The following FBXO15 variants were observed in gnomAD, a reference collection of about 807,000 sequenced individuals.
FBXO15 encodes the protein F-box protein 15.
In FBXO15, 30 loss-of-function variants were observed where a neutral mutation model predicts 49.5. The ratio of observed to expected loss-of-function variants is 0.61; its 90% confidence interval spans 0.45 to 0.82. FBXO15 has a LOEUF of 0.82. Ranked by LOEUF, FBXO15 falls within the 40% of genes least tolerant of loss-of-function variation. The pLI, the probability that FBXO15 is intolerant of heterozygous loss-of-function variation, is 0.00. For missense variants in FBXO15, 591 were observed against 631.5 expected, an observed-to-expected ratio of 0.94 and a Z score of 0.69; for synonymous variants, 250 against 232.7, an observed-to-expected ratio of 1.07 and a Z score of -0.68.
rs756536706 is a variant in FBXO15, at chr18:74,147,801, A to C, written c.-16T>G. On this transcript the variant is annotated 5_prime_UTR_variant, in exon 1 of 10. Transcript: ENST00000419743. ...CAGTCGCCATAGAGACAAGGAGTTC[A>C]CCACAGGACCGCGCCAGGGCTGAAA... 2 of 1,510,062 alleles carry C rather than the reference A, an allele frequency of 1.3e-6. No individual in the cohort carries two copies. The highest frequency in any genetic ancestry group is 1.7e-4 in the Middle Eastern group (1 of 5,832). 93.5% of individuals were successfully genotyped at this position (1,510,062 alleles called of 1,614,324 possible). A position where few individuals can be genotyped will look rare whatever the true frequency, so the allele number is the denominator to read the frequency against.
intron 2 of FBXO15, among the ~76,000 whole-genome samples, chr18:74,138,564 C>A (rs936801986): frequency 6.6e-6 from 1 of 152,062 alleles, no homozygotes; most frequent in Non-Finnish European, 1.5e-5. Flanking sequence ...CCCTTCCCCA[C>A]CCTTTCCCTA....
chr18:74,132,945 C>T (rs1435905451), intron 3 of FBXO15, among the ~76,000 whole-genome samples: 1 of 152,176 alleles, frequency 6.6e-6, no homozygotes, highest in Admixed American at 6.5e-5. Flanking sequence ...CACTGGGGAG[C>T]CCCCTGCCCT....
At chr18:74,123,534 A>T (rs1161104156) in intron 7 of FBXO15, 24 bp from the exon 8 acceptor site, 1 of 1,578,164 alleles carries the variant, frequency 6.3e-7, no homozygotes, top group Non-Finnish European at 8.6e-7. Context: ...CAAAAGAAAC[A>T]TACAAATTTG....
chr18:74,073,562 C>T lies in FBXO15; in HGVS notation c.1432G>A (p.Glu478Lys). ...TCGGTCTCTCTGATCCACACCAGCT[C>T]CACGTGCACTCTTCCTTCCGCATCA... The part of the protein sequence containing the change: ...YVDAEGRVHV[E>K]LVWIRETEEY... The change falls in exon 10 of 10, where the codon GAG becomes AAG. Residue 478 changes from glutamate to lysine, a missense_variant. Glu to Lys is a moderately conservative substitution (Grantham distance 56, BLOSUM62 1). Transcript: ENST00000419743. The T allele has an allele frequency of 1.2e-6, 2 of 1,614,198 alleles. No individual in the cohort carries two copies. The highest frequency in any genetic ancestry group is 1.1e-5 in the South Asian group (1 of 91,078).
chr18:74,125,122 G>C (rs1171308044), intron 6 of FBXO15, among the ~76,000 whole-genome samples: 6 of 152,280 alleles, frequency 3.9e-5, no homozygotes, highest in Non-Finnish European at 8.8e-5. Context: ...ATGGGCATAG[G>C]TGACCCCCAA....
chr18:74,137,799 G>A (rs1401369575), intron 2 of FBXO15, among the ~76,000 whole-genome samples: 1 of 152,194 alleles, frequency 6.6e-6, no homozygotes, highest in Non-Finnish European at 1.5e-5. Context: ...GTAGAACAAA[G>A]AAACTGCTCT....
intron 1 of FBXO15, among the ~76,000 whole-genome samples, chr18:74,145,667 G>A (rs1278998070): frequency 2.2e-5 from 3 of 138,504 alleles, no homozygotes; most frequent in African/African-American, 8.3e-5. Context: ...GCGCTATCTC[G>A]GCTCACTGCA....
At chr18:74,145,674 T>G (rs1979366544) in intron 1 of FBXO15, among the ~76,000 whole-genome samples, 1 of 144,458 alleles carries the variant, frequency 6.9e-6, no homozygotes, top group Admixed American at 7.2e-5. Context: ...CTCGGCTCAC[T>G]GCAAGCTCCG....
At chr18:74,093,086 C>T (rs1220760391) in intron 8 of FBXO15, among the ~76,000 whole-genome samples, 1 of 152,160 alleles carries the variant, frequency 6.6e-6, no homozygotes, top group African/African-American at 2.4e-5. Flanking sequence ...AGGGTGGGGG[C>T]AGGCCTGCTG....
In FBXO15 at chr18:74,123,481, A is replaced by C. The variant is rs1555679079; in HGVS notation, c.1025T>G (p.Phe342Cys). The change falls in exon 8 of 10, where the codon TTT (phenylalanine) becomes TGT (cysteine). Residue 342 changes from phenylalanine to cysteine, a missense_variant. Coordinates refer to ENST00000419743, the MANE Select transcript of FBXO15 (RefSeq NM_001142958.2). ...IPYELPPHSP[F>C]LDDSPEYGLH... The stretch of plus-strand genomic sequence containing the variant: ...TCCATACTCGGGGCTATCATCCAAA[A>C]AGGGGCTATGTGGAGGCAGTTCATA... 6.2e-7 allele frequency: 1 copy of C among 1,613,558 alleles called. No individual in the cohort carries two copies. The highest frequency in any genetic ancestry group is 8.5e-7 in the Non-Finnish European group (1 of 1,179,826).
intron 6 of FBXO15, among the ~76,000 whole-genome samples, chr18:74,125,449 A>G (rs8094769): frequency 0.068 from 10,406 of 152,328 alleles, 561 homozygotes; most frequent in African/African-American, 0.15. Context: ...CTATCTTAAA[A>G]TATCAGCCAG....
In FBXO15 at chr18:74,073,636, G is replaced by A; in HGVS notation, c.1358C>T (p.Pro453Leu). 1 of 1,614,170 alleles carries A rather than the reference G, an allele frequency of 6.2e-7. No individual in the cohort carries two copies. Among genetic ancestry groups the A allele is most frequent in the Non-Finnish European group, 8.5e-7 (1 of 1,180,026 alleles). ...SPVCLRSPAT[P>L]SDSSSFLGQT... Reference sequence around the variant, plus strand: ...TCCCAAGAAGCTAGAGCTGTCAGAGGGTGTGGCAGGCGATCTCAGGCACAC... The same window carrying A: ...TCCCAAGAAGCTAGAGCTGTCAGAGAGTGTGGCAGGCGATCTCAGGCACAC... Residue 453 changes from proline to leucine, a missense_variant, in exon 10 of 10, where the codon CCC becomes CTC. Coordinates refer to ENST00000419743, the MANE Select transcript of FBXO15 (RefSeq NM_001142958.2).
chr18:74,075,720 G>C lies in FBXO15; in HGVS notation c.1264-1990C>G, dbSNP rs1329949389. 6.6e-6 allele frequency among the ~76,000 whole-genome samples: 1 copy of C among 152,174 alleles called. No homozygotes were observed. Among genetic ancestry groups the C allele is most frequent in the Non-Finnish European group, 1.5e-5 (1 of 68,040 alleles). On this transcript the variant is annotated intron_variant, in intron 9 of 9. Transcript: ENST00000419743. The surrounding 1 kb of genome is among the most constrained non-coding windows in gnomAD (Gnocchi z 4.1). ...CTCAGCAGTGTTTAGTTTTTCAAGA[G>C]AACAGTGAAGAGTAATTCTACCTCT... is the stretch of plus-strand genomic sequence containing the variant.
At chr18:74,142,071 GA>G (rs200073962) in intron 1 of FBXO15, among the ~76,000 whole-genome samples, 14 of 150,844 alleles carry the variant, frequency 9.3e-5, no homozygotes, top group Admixed American at 6.6e-4. Flanking sequence ...ATGCACCGAG[GA>G]AAAAAAAATG....
intron 3 of FBXO15, among the ~76,000 whole-genome samples, chr18:74,131,767 C>A (rs1216438353): frequency 6.6e-6 from 1 of 152,242 alleles, no homozygotes; most frequent in African/African-American, 2.4e-5. Context: ...TAGGTCTCCA[C>A]ATTACTACTC....
chr18:74,120,566 T>A (rs1914428818), intron 8 of FBXO15, among the ~76,000 whole-genome samples: 1 of 152,172 alleles, frequency 6.6e-6, no homozygotes, highest in Non-Finnish European at 1.5e-5. Flanking sequence ...CACACTTCTA[T>A]CTAACCCATA....
At chr18:74,146,260 T>C (rs775671607) in intron 1 of FBXO15, among the ~76,000 whole-genome samples, 1 of 152,254 alleles carries the variant, frequency 6.6e-6, no homozygotes, top group Non-Finnish European at 1.5e-5. Flanking sequence ...CTTAACAACA[T>C]CTAATTTTCC....
intron 2 of FBXO15, among the ~76,000 whole-genome samples, chr18:74,136,350 T>C (rs1375615494): frequency 6.6e-6 from 1 of 152,114 alleles, no homozygotes; most frequent in African/African-American, 2.4e-5. Flanking sequence ...CTGGCTAATT[T>C]TTTGTATTTT....
At chr18:74,142,329 C>A (rs1979130651) in intron 1 of FBXO15, among the ~76,000 whole-genome samples, 1 of 152,206 alleles carries the variant, frequency 6.6e-6, no homozygotes, top group Admixed American at 6.5e-5. Context: ...CAGATTTCCA[C>A]AGGAGAAAAG....
Sources: allele counts gnomAD v4.1 joint callset (sites outside exome capture counted in the v4.1 genomes callset), GRCh38; gene constraint gnomAD v4.1.1; non-coding constraint Gnocchi (gnomAD v3.1); transcripts MANE v1.5; gene names NCBI Gene and HGNC (gene_info 2026-07-23, HGNC 2026-07-21).